LPP: variants seen among roughly 807,000 people sequenced by gnomAD.
LPP encodes LIM domain containing preferred translocation partner in lipoma.
In LPP, 38 loss-of-function variants were observed where a neutral mutation model predicts 60.4. The observed-to-expected ratio is 0.63, with a 90% CI of 0.49 to 0.83. The LOEUF is 0.83. Among genes scored for constraint, LPP ranks in the 40% least tolerant of loss-of-function variants. LPP has a pLI of 0.00. For missense variants in LPP, 902 were observed against 783.6 expected, an observed-to-expected ratio of 1.15 and a Z score of -1.80; for synonymous variants, 328 against 290.8, an observed-to-expected ratio of 1.13 and a Z score of -1.30.
chr3:188,485,668 G>T (rs1437356754), intron 5 of LPP, among the ~76,000 whole-genome samples: 1 of 150,426 alleles, frequency 6.6e-6, no homozygotes, highest in Non-Finnish European at 1.5e-5. Flanking sequence ...GTAGTGGCGG[G>T]CGCCTGTAGT....
intron 7 of LPP, among the ~76,000 whole-genome samples, chr3:188,657,704 A>G (rs1853610659): frequency 6.6e-6 from 1 of 152,084 alleles, no homozygotes; most frequent in Non-Finnish European, 1.5e-5. Context: ...CTAGTCCCCA[A>G]GCACACTAAC....
At chr3:188,501,305 T>C (rs2149872945) in intron 5 of LPP, among the ~76,000 whole-genome samples, 1 of 152,316 alleles carries the variant, frequency 6.6e-6, no homozygotes, top group African/African-American at 2.4e-5. Context: ...TCTCCTTTGA[T>C]CCATTGTTTG....
At chr3:188,386,634 T>C (rs1335916857) in intron 3 of LPP, among the ~76,000 whole-genome samples, 1 of 152,198 alleles carries the variant, frequency 6.6e-6, no homozygotes, top group East Asian at 1.9e-4. Context: ...ATGATAATAA[T>C]GCAAGCTGAG....
chr3:188,462,572 A>C (rs1351906613), intron 4 of LPP, among the ~76,000 whole-genome samples: 4 of 54,166 alleles, frequency 7.4e-5, no homozygotes, highest in Non-Finnish European at 1.4e-4. Context: ...ATATATATAT[A>C]TATATATATA....
chr3:188,288,379 C>T (rs529240642), intron 2 of LPP, among the ~76,000 whole-genome samples: 2 of 152,268 alleles, frequency 1.3e-5, no homozygotes, highest in South Asian at 4.1e-4. Context: ...TTGCTCAAAC[C>T]TCACACCAGT....
At chr3:188,813,413 A>G (rs966837521) in intron 9 of LPP, among the ~76,000 whole-genome samples, 1 of 152,190 alleles carries the variant, frequency 6.6e-6, no homozygotes, top group South Asian at 2.1e-4. Flanking sequence ...CAGTATCATT[A>G]TTATTCTTGT....
chr3:188,825,267 C>CTGTGTGTGTG (rs1208771566), intron 9 of LPP, among the ~76,000 whole-genome samples: 1 of 99,016 alleles, frequency 1.0e-5, no homozygotes, highest in East Asian at 6.4e-4. Flanking sequence ...CTCTCTCTCT[C>CTGTGTGTGTG]TCTGTGTGTG....
At chr3:188,811,093 T>C (rs1396976560) in intron 9 of LPP, among the ~76,000 whole-genome samples, 3 of 151,998 alleles carry the variant, frequency 2.0e-5, no homozygotes, top group Non-Finnish European at 4.4e-5. Context: ...TTATAGGGTA[T>C]ATATATATGT....
chr3:188,421,488 C>G (rs1411716526), intron 4 of LPP, among the ~76,000 whole-genome samples: 1 of 152,158 alleles, frequency 6.6e-6, no homozygotes, highest in Non-Finnish European at 1.5e-5. Flanking sequence ...AGAAAGCAAG[C>G]CTTAAGGAGC....
intron 7 of LPP, among the ~76,000 whole-genome samples, chr3:188,657,641 T>G (rs1483374033): frequency 6.6e-6 from 1 of 152,054 alleles, no homozygotes; most frequent in African/African-American, 2.4e-5. Context: ...TTCTAGTCTT[T>G]TTACCCCATA....
At chr3:188,835,519 G>C (rs6788510) in intron 9 of LPP, among the ~76,000 whole-genome samples, 1 of 151,724 alleles carries the variant, frequency 6.6e-6, no homozygotes, top group African/African-American at 2.4e-5. Flanking sequence ...CTCGGGAGGC[G>C]GAGGCAGGAG....
intron 2 of LPP, among the ~76,000 whole-genome samples, chr3:188,281,945 C>A (rs1313705191): frequency 6.6e-6 from 1 of 152,114 alleles, no homozygotes; most frequent in Non-Finnish European, 1.5e-5. Flanking sequence ...TATAATCATT[C>A]TTATAGGCAG....
At chr3:188,418,089 A>T (rs1330518294) in intron 4 of LPP, among the ~76,000 whole-genome samples, 14 of 152,196 alleles carry the variant, frequency 9.2e-5, no homozygotes, top group Admixed American at 9.2e-4. Flanking sequence ...CATAATATCT[A>T]GTTTAATCAC....
At chr3:188,233,970 C>T (rs1366252438) in intron 2 of LPP, among the ~76,000 whole-genome samples, 6 of 152,044 alleles carry the variant, frequency 3.9e-5, no homozygotes, top group African/African-American at 1.2e-4. Flanking sequence ...CTGGAATGCT[C>T]ACCCCAATCC....
intron 1 of LPP, among the ~76,000 whole-genome samples, chr3:188,163,388 C>G (rs1444073537): frequency 2.6e-5 from 4 of 152,104 alleles, no homozygotes; most frequent in Non-Finnish European, 5.9e-5. Context: ...CCTGCTGAAG[C>G]CATTGTTAGT....
intron 4 of LPP, among the ~76,000 whole-genome samples, chr3:188,477,430 T>A (rs1294053193): frequency 2.6e-5 from 4 of 152,218 alleles, no homozygotes; most frequent in Non-Finnish European, 5.9e-5. Context: ...TCGTCTCTAA[T>A]AGAAATAGCA....
chr3:188,427,999 A>C (rs1475126361), intron 4 of LPP, among the ~76,000 whole-genome samples: 3 of 152,096 alleles, frequency 2.0e-5, no homozygotes, highest in Non-Finnish European at 4.4e-5. Context: ...TGTCTGCCCA[A>C]ACGGTCACCC....
chr3:188,369,007 A>T (rs1291122566), intron 3 of LPP, among the ~76,000 whole-genome samples: 1 of 152,154 alleles, frequency 6.6e-6, no homozygotes, highest in Non-Finnish European at 1.5e-5. Flanking sequence ...TCGCCATGAG[A>T]TGAACTAGCT....
intron 2 of LPP, among the ~76,000 whole-genome samples, chr3:188,311,885 T>C (rs954404400): frequency 6.6e-6 from 1 of 152,128 alleles, no homozygotes; most frequent in East Asian, 1.9e-4. Context: ...ATGATTCTCC[T>C]GCCTCGACTT....
Sources: gnomAD v4.1 joint callset for allele counts (sites outside exome capture counted in the v4.1 genomes callset) on GRCh38, gnomAD v4.1.1 for gene constraint, MANE v1.5 for transcripts, NCBI Gene and HGNC (gene_info 2026-07-23, HGNC 2026-07-21) for gene names.